Variants in ITPK1 observed in about 807,000 individuals in gnomAD.
ITPK1 encodes inositol-tetrakisphosphate 1-kinase.
A neutral mutation model predicts 45.3 loss-of-function variants in ITPK1; 21 were observed. The observed-to-expected ratio is 0.46, with a 90% CI of 0.33 to 0.67. The LOEUF is 0.67. Among genes scored for constraint, ITPK1 ranks in the 30% least tolerant of loss-of-function variants. The pLI, the probability that ITPK1 is intolerant of heterozygous loss-of-function variation, is 0.02. For missense variants in ITPK1, 474 were observed against 573.5 expected (o/e 0.83, Z 1.77); for synonymous variants, 258 against 253.6 (o/e 1.02, Z -0.16).
chr14:93,094,359 G>A (rs527494264), intron 2 of ITPK1, among the ~76,000 whole-genome samples: 93 of 152,328 alleles, frequency 6.1e-4, no homozygotes, highest in African/African-American at 2.0e-3. Context: ...CTCAGAGGAG[G>A]CTGAGAGGGA....
intron 3 of ITPK1, among the ~76,000 whole-genome samples, chr14:93,052,923 C>T (rs1258519518): frequency 6.7e-6 from 1 of 148,700 alleles, no homozygotes; most frequent in African/African-American, 2.5e-5. Flanking sequence ...ACCAGTGGTT[C>T]TCCACATGGA....
chr14:92,996,052 C>T (rs548565166), intron 4 of ITPK1, among the ~76,000 whole-genome samples: 9 of 152,276 alleles, frequency 5.9e-5, no homozygotes, highest in African/African-American at 1.7e-4. Flanking sequence ...CCCTCCCCGC[C>T]GAGACTCACA....
At chr14:93,108,467 C>T (rs570667832) in intron 2 of ITPK1, among the ~76,000 whole-genome samples, 3 of 152,266 alleles carry the variant, frequency 2.0e-5, no homozygotes, top group South Asian at 2.1e-4. Flanking sequence ...GGCAGGATGG[C>T]CCAGTGGTTA....
intron 3 of ITPK1, among the ~76,000 whole-genome samples, chr14:93,057,858 G>A (rs1037162906): frequency 6.6e-6 from 1 of 152,200 alleles, no homozygotes; most frequent in Admixed American, 6.5e-5. Flanking sequence ...GCACCTTGAT[G>A]GAGAGAAAAA....
Position 93,036,517 on chromosome 14 carries a change from A to AC in ITPK1, c.121-19717dup, listed in dbSNP as rs1184728933. 6.6e-6 allele frequency among the ~76,000 whole-genome samples: 1 copy of AC among 150,456 alleles called. No individual in the cohort carries two copies. Among genetic ancestry groups the AC allele is most frequent in the East Asian group, 1.9e-4 (1 of 5,148 alleles). The stretch of plus-strand genomic sequence containing the variant: ...CTGGTGGGAGCACGTGCCCCATTTG[A>AC]CCCCCACGGCTCTTGCTGTTTGCTG... On this transcript the variant is annotated intron_variant, in intron 3 of 10. Transcript: ENST00000267615. This position sits in a 1 kb window ranked among gnomAD's most constrained non-coding sequence, Gnocchi z 4.1.
chr14:93,103,474 G>A (rs952496349), intron 2 of ITPK1, among the ~76,000 whole-genome samples: 3 of 152,030 alleles, frequency 2.0e-5, no homozygotes, highest in East Asian at 1.9e-4. Flanking sequence ...TGAGAGGTAC[G>A]TGACCCAGCA....
rs937440258 is a variant in ITPK1, at chr14:92,949,989, C to A, written c.738+1957G>T. On this transcript the variant is annotated intron_variant, in intron 9 of 10. Coordinates refer to ENST00000267615, the MANE Select transcript of ITPK1 (RefSeq NM_014216.6). The stretch of plus-strand genomic sequence containing the variant: ...GCACACCTGGCAACTGCGGTGGGTG[C>A]TTCTCACCCAGGAACTCCCTGGACT... 3.3e-5 allele frequency among the ~76,000 whole-genome samples: 5 copies of A among 152,208 alleles called. No individual in the cohort carries two copies. The East Asian group carries it at 9.6e-4, about 29-fold the overall frequency.
intron 8 of ITPK1, among the ~76,000 whole-genome samples, chr14:92,953,682 G>T (rs545843760): frequency 1.3e-5 from 2 of 152,318 alleles, no homozygotes; most frequent in African/African-American, 2.4e-5. Context: ...ACACAGCAAA[G>T]ATCAGGGAGG....
intron 4 of ITPK1, among the ~76,000 whole-genome samples, chr14:92,995,426 C>T (rs1305993428): frequency 6.6e-6 from 1 of 152,190 alleles, no homozygotes; most frequent in Non-Finnish European, 1.5e-5. Flanking sequence ...TCCTAGTGAC[C>T]ACTTGTTAAG....
At chr14:93,053,413 G>A (rs1203824127) in intron 3 of ITPK1, among the ~76,000 whole-genome samples, 2 of 152,102 alleles carry the variant, frequency 1.3e-5, no homozygotes, top group Non-Finnish European at 2.9e-5. Flanking sequence ...GGGGCCTCAT[G>A]ACAGCCAGTG....
chr14:93,081,824 G>A (rs1030051743), intron 2 of ITPK1, among the ~76,000 whole-genome samples: 1 of 152,196 alleles, frequency 6.6e-6, no homozygotes, highest in Non-Finnish European at 1.5e-5. Context: ...GGTGGGGCAC[G>A]CCTCAGAGGC....
At chr14:93,093,968 G>A (rs574657479) in intron 2 of ITPK1, among the ~76,000 whole-genome samples, 2 of 152,364 alleles carry the variant, frequency 1.3e-5, no homozygotes, top group Admixed American at 6.5e-5. Context: ...TCCTCACCCC[G>A]ATTGCCAAGC....
chr14:93,099,624 G>C (rs924510064), intron 2 of ITPK1, among the ~76,000 whole-genome samples: 1 of 152,186 alleles, frequency 6.6e-6, no homozygotes, highest in Non-Finnish European at 1.5e-5. Flanking sequence ...CTGGCCGTGG[G>C]AATAAGCCAG....
chr14:93,041,871 A>T (rs1889576832), intron 3 of ITPK1, among the ~76,000 whole-genome samples: 1 of 152,202 alleles, frequency 6.6e-6, no homozygotes, highest in African/African-American at 2.4e-5. Flanking sequence ...GAGGGGGTTC[A>T]GATGCTAGGA....
At chr14:92,953,467 A>T (rs1888055953) in intron 8 of ITPK1, among the ~76,000 whole-genome samples, 1 of 152,240 alleles carries the variant, frequency 6.6e-6, no homozygotes, top group Non-Finnish European at 1.5e-5. Flanking sequence ...GTCTGTGGGG[A>T]TGGCATAAGC....
chr14:93,019,414 G>A (rs1243793420), intron 3 of ITPK1, among the ~76,000 whole-genome samples: 1 of 152,216 alleles, frequency 6.6e-6, no homozygotes. Context: ...CCGCATCCCC[G>A]GCGCTCCACT....
intron 2 of ITPK1, among the ~76,000 whole-genome samples, chr14:93,085,670 G>A (rs1038011851): frequency 1.3e-5 from 2 of 152,150 alleles, no homozygotes; most frequent in Non-Finnish European, 2.9e-5. Context: ...AGGAGATCAC[G>A]CAAGGCAGTG....
At chr14:93,110,831 C>T (rs1426339133) in intron 2 of ITPK1, among the ~76,000 whole-genome samples, 11 of 152,230 alleles carry the variant, frequency 7.2e-5, no homozygotes, top group Admixed American at 5.9e-4. Context: ...TCTTGTGCTT[C>T]TGTAGCCTCC....
Position 92,941,426 on chromosome 14 carries a change from G to T in ITPK1, c.*135C>A, listed in dbSNP as rs7140970. ...CCCTCATTTAGATCATGACATCAGAGAATCAGGTTAAAAATTAAAAAACAG... is the reference window on the plus strand; with the variant it reads ...CCCTCATTTAGATCATGACATCAGATAATCAGGTTAAAAATTAAAAAACAG... On this transcript the variant is annotated 3_prime_UTR_variant, in exon 11 of 11. Coordinates refer to ENST00000267615, the MANE Select transcript of ITPK1 (RefSeq NM_014216.6). The T allele has an allele frequency of 2.1e-6, 3 of 1,416,998 alleles. No individual in the cohort carries two copies. The highest frequency in any genetic ancestry group is 2.7e-6 in the Non-Finnish European group (3 of 1,092,894). 87.8% of individuals were successfully genotyped at this position (1,416,998 alleles called of 1,614,324 possible).
Sources: gnomAD v4.1 joint callset for allele counts (sites outside exome capture counted in the v4.1 genomes callset) on GRCh38, gnomAD v4.1.1 for gene constraint, Gnocchi (gnomAD v3.1) non-coding constraint, MANE v1.5 for transcripts, NCBI Gene and HGNC (gene_info 2026-07-23, HGNC 2026-07-21) for gene names.